The following DST variants were observed in gnomAD, a reference collection of about 807,000 sequenced individuals.
DST encodes dystonin.
In DST, 253 loss-of-function variants were observed where a neutral mutation model predicts 875.2. The ratio of observed to expected loss-of-function variants is 0.29; its 90% CI spans 0.26 to 0.32. The LOEUF (loss-of-function observed/expected upper bound fraction) is 0.32, where lower values mean the gene tolerates loss of function less well. DST is among the 10% of genes least tolerant of loss of function. DST has a pLI of 1.00. For missense variants in DST, 8,287 were observed against 9,111.6 expected (o/e 0.91, Z 3.68); for synonymous variants, 3,124 against 3,197.1 (o/e 0.98, Z 0.77).
chr6:56,797,774 C>T (rs1405974564), intron 4 of DST, among the ~76,000 whole-genome samples: 4 of 147,770 alleles, frequency 2.7e-5, no homozygotes, highest in African/African-American at 7.5e-5. Flanking sequence ...ACCGAGATTG[C>T]GCCATTGCAC....
intron 75 of DST, 63 bp downstream of exon 75, chr6:56,508,466 G>C (rs2096393945): frequency 7.6e-7 from 1 of 1,322,462 alleles, no homozygotes; most frequent in Non-Finnish European, 1.1e-6. Flanking sequence ...ATTTACCCAA[G>C]GAATCTGGAT....
At chr6:56,783,460 T>A (rs1409197553) in intron 4 of DST, among the ~76,000 whole-genome samples, 2 of 152,188 alleles carry the variant, frequency 1.3e-5, no homozygotes, top group Admixed American at 6.5e-5. Flanking sequence ...GTTGAATTGA[T>A]CCCTTTACCA....
chr6:56,473,807 A>G (rs2095028531), intron 93 of DST, 66 bp downstream of exon 93: 1 of 1,501,628 alleles, frequency 6.7e-7, no homozygotes, highest in African/African-American at 1.4e-5. Flanking sequence ...ATTTCAAATA[A>G]TTCAAAATAA....
chr6:56,771,409 AG>A (rs1368006460), intron 4 of DST, among the ~76,000 whole-genome samples: 6 of 152,216 alleles, frequency 3.9e-5, no homozygotes, highest in African/African-American at 1.4e-4. Flanking sequence ...GTGATATAAT[AG>A]GTAAAGAATG....
intron 2 of DST, among the ~76,000 whole-genome samples, chr6:56,914,251 T>C (rs893132328): frequency 1.2e-4 from 18 of 152,182 alleles, no homozygotes; most frequent in Admixed American, 8.5e-4. Flanking sequence ...GGAACCAACA[T>C]TGCATCCATA....
chr6:56,749,009 G>T (rs1218467757), intron 4 of DST, among the ~76,000 whole-genome samples: 1 of 152,176 alleles, frequency 6.6e-6, no homozygotes, highest in African/African-American at 2.4e-5. Context: ...TTGTAAATTA[G>T]AAAAAGGTAC....
intron 3 of DST, among the ~76,000 whole-genome samples, chr6:56,890,263 A>C (rs1190751253): frequency 2.0e-5 from 3 of 152,270 alleles, no homozygotes; most frequent in African/African-American, 4.8e-5. Context: ...AAGAGTGCAG[A>C]GAACAATGCC....
intron 98 of DST, among the ~76,000 whole-genome samples, chr6:56,468,694 T>G (rs889037785): frequency 2.6e-5 from 4 of 152,188 alleles, no homozygotes; most frequent in African/African-American, 9.7e-5. Context: ...TATGCTCATA[T>G]TATAAAAAAT....
chr6:56,895,062 A>G (rs1369858111), intron 3 of DST, among the ~76,000 whole-genome samples: 3 of 93,698 alleles, frequency 3.2e-5, no homozygotes, highest in African/African-American at 5.8e-5. Flanking sequence ...GGACGGGGCG[A>G]CTGGCCGGGC....
chr6:56,888,386 C>G (rs1785672175), intron 3 of DST, among the ~76,000 whole-genome samples: 1 of 152,084 alleles, frequency 6.6e-6, no homozygotes, highest in Non-Finnish European at 1.5e-5. Flanking sequence ...AGAAATTTGA[C>G]TTTATTAATC....
intron 2 of DST, among the ~76,000 whole-genome samples, chr6:56,920,569 T>G (rs1392135454): frequency 6.6e-6 from 1 of 152,072 alleles, no homozygotes; most frequent in Non-Finnish European, 1.5e-5. Context: ...GATCACGGAG[T>G]TTCATTGGTT....
chr6:56,918,000 G>A lies in DST; in HGVS notation c.217-17379C>T, dbSNP rs367561299. ...TACATCCCTCTAGAGTAATCACTGT[G>A]ATGTTAGTTCCTATCATCTTGACTT... On this transcript the variant is annotated intron_variant, in intron 2 of 103. Coordinates refer to ENST00000680361, the MANE Select transcript of DST (RefSeq NM_001374736.1). Among the ~76,000 whole-genome samples the A allele has an allele frequency of 2.4e-4, 37 of 152,224 alleles. No homozygotes were observed. In the South Asian group the frequency reaches 3.7e-3, roughly 15 times the overall value.
rs1286826614 is a variant in DST, at chr6:56,527,684, A to G, written c.17731T>C (p.Tyr5911His). 1 of 1,612,640 alleles carries G rather than the reference A, an allele frequency of 6.2e-7. No homozygotes were observed. Among genetic ancestry groups the G allele is most frequent in the Non-Finnish European group, 8.5e-7 (1 of 1,179,296 alleles). Reference sequence around the variant, plus strand: ...GTGCTCAGTTTAGTAATGTCTTTGTACCTTGCTTTAATGGCTTCCAATTTA... The same window carrying G: ...GTGCTCAGTTTAGTAATGTCTTTGTGCCTTGCTTTAATGGCTTCCAATTTA... ...QDKLEAIKARYKDITKLSTDV... is the reference protein window; with the variant it reads ...QDKLEAIKARHKDITKLSTDV... Residue 5911 changes from tyrosine to histidine, a missense_variant, in exon 68 of 104, where the codon TAC becomes CAC. By Grantham distance (83) the Tyr-to-His change is moderately conservative. Coordinates refer to ENST00000680361, the MANE Select transcript of DST (RefSeq NM_001374736.1).
chr6:56,748,901 A>C (rs2099579755), intron 4 of DST, among the ~76,000 whole-genome samples: 1 of 152,198 alleles, frequency 6.6e-6, no homozygotes, highest in Non-Finnish European at 1.5e-5. Context: ...GTGATTTCTT[A>C]CTATATCAAT....
chr6:56,867,748 A>C (rs1283810011), intron 3 of DST, among the ~76,000 whole-genome samples: 5 of 151,936 alleles, frequency 3.3e-5, no homozygotes, highest in Admixed American at 2.0e-4. Flanking sequence ...CAGGAGAATC[A>C]CTTGAACCCG....
chr6:56,634,187 G>A lies in DST; in HGVS notation c.3566C>T (p.Ser1189Phe), dbSNP rs764709484. The A allele has an allele frequency of 1.2e-6, 2 of 1,613,416 alleles. No individual in the cohort carries two copies. The highest frequency in any genetic ancestry group is 2.2e-5 in the East Asian group (1 of 44,878). ...AATTTCATTGATGAGATAATGCCAGGATACTACACTCTTCATGTTTATGTG... is the reference window on the plus strand; with the variant it reads ...AATTTCATTGATGAGATAATGCCAGAATACTACACTCTTCATGTTTATGTG... The part of the protein sequence containing the change: ...ESHINMKSVV[S>F]WHYLINEIDR... Residue 1189 changes from serine to phenylalanine, a missense_variant, in exon 27 of 104, where the codon TCC becomes TTC. By Grantham distance (155) the Ser-to-Phe change is radical (BLOSUM62 -2). Around this residue, in one of 10 missense-constraint regions of DST, gnomAD observed 3,138 missense variants for 3,116.6 expected, o/e 1.01. Coordinates refer to ENST00000680361, the MANE Select transcript of DST (RefSeq NM_001374736.1).
At chr6:56,493,866 T>G in intron 83 of DST, 144 bp downstream of exon 83, 6 of 561,504 alleles carry the variant, frequency 1.1e-5, no homozygotes, top group Non-Finnish European at 1.7e-5. Flanking sequence ...AACTACCCCA[T>G]GAAATCTCCA....
intron 100 of DST, 34 bp downstream of exon 100, chr6:56,464,651 A>G (rs757842797): frequency 2.1e-6 from 3 of 1,436,576 alleles, no homozygotes; most frequent in Admixed American, 1.9e-5. Flanking sequence ...AGAGAAAAGG[A>G]AAGAGGGGAG....
At chr6:56,785,328 G>C (rs1487385827) in intron 4 of DST, among the ~76,000 whole-genome samples, 2 of 152,236 alleles carry the variant, frequency 1.3e-5, no homozygotes, top group Non-Finnish European at 2.9e-5. Flanking sequence ...AGCCTACAGA[G>C]GCAGGCAGGC....
Sources: allele counts gnomAD v4.1 joint callset (sites outside exome capture counted in the v4.1 genomes callset), GRCh38; gene constraint gnomAD v4.1.1; regional missense constraint gnomAD v4.1.1; transcripts MANE v1.5; gene names NCBI Gene and HGNC (gene_info 2026-07-23, HGNC 2026-07-21).